The following POLD3 variants were observed in gnomAD, a reference collection of about 807,000 sequenced individuals.
POLD3 encodes DNA polymerase delta 3, accessory subunit, also known as DNA polymerase delta subunit 3.
POLD3 carries 19 observed loss-of-function variants against 58.2 expected under a neutral mutation model. The ratio of observed to expected loss-of-function variants is 0.33; its 90% CI spans 0.23 to 0.48. The LOEUF (loss-of-function observed/expected upper bound fraction) is 0.48, where lower values mean the gene tolerates loss of function less well. POLD3 is among the 20% of genes least tolerant of loss of function. The probability of loss-of-function intolerance (pLI) is 0.99; values close to 1 mark genes in which losing one functional copy is unlikely to be tolerated. For synonymous variants in POLD3, 172 were observed against 193.5 expected, an observed-to-expected ratio of 0.89 and a Z score of 0.92; for missense variants, 504 against 545.5, an observed-to-expected ratio of 0.92 and a Z score of 0.76.
rs140867590 is a variant in POLD3 at position 74,640,592 on chromosome 11, C to G, written c.1227C>G (p.Ser409=). The G allele has an allele frequency of 1.3e-4, 213 of 1,595,278 alleles. No individual in the cohort carries two copies. The highest frequency in any genetic ancestry group is 1.8e-4 in the Non-Finnish European group (209 of 1,172,270). ...IVTEKVYESE[S]CTDSEEELNM... ...CTGAAAAAGTCTACGAGAGTGAATC[C>G]TGCACAGATAGTGAAGAGGAGCTTA... The change falls in exon 12 of 12, where the codon TCC becomes TCG. Residue 409 remains serine (S), a synonymous_variant. Transcript: ENST00000263681.
chr11:74,596,027 C>T lies in POLD3; in HGVS notation c.116+1911C>T, dbSNP rs1011506006. On this transcript the variant is annotated intron_variant, in intron 2 of 11. Transcript: ENST00000263681. The stretch of plus-strand genomic sequence containing the variant: ...TTAAAATGATTAAATTTTTTTTAAT[C>T]TTATTTTTTTTTTTTTTTTAGTAGA... Among the ~76,000 whole-genome samples the T allele has an allele frequency of 2.1e-4, 21 of 99,152 alleles. No homozygotes were observed. In the East Asian group the frequency reaches 3.7e-3, roughly 18 times the overall value. 65.0% of individuals were successfully genotyped at this position (99,152 alleles called of 152,430 possible).
intron 9 of POLD3, among the ~76,000 whole-genome samples, chr11:74,632,877 TACACACACACACACACACACACACACAC>T (rs71036003): frequency 6.7e-4 from 77 of 115,770 alleles, no homozygotes; most frequent in African/African-American, 3.0e-3. Flanking sequence ...TTTAAGTAAA[TACACACACACACACACACACACACACAC>T]ACACACACAC....
At chr11:74,609,583 A>T (rs1044327646) in intron 3 of POLD3, among the ~76,000 whole-genome samples, 3 of 151,130 alleles carry the variant, frequency 2.0e-5, no homozygotes, top group Non-Finnish European at 4.4e-5. Flanking sequence ...GGGCTTTGCC[A>T]TCTCGGCCAG....
intron 2 of POLD3, among the ~76,000 whole-genome samples, chr11:74,598,431 G>T (rs2031355839): frequency 6.6e-6 from 1 of 152,144 alleles, no homozygotes; most frequent in Non-Finnish European, 1.5e-5. Flanking sequence ...TCACTGTTCT[G>T]ATTACTATTG....
At position 74,625,555 on chromosome 11, in the gene POLD3, T is replaced by C. The variant is rs1164925614; in HGVS notation, c.881T>C (p.Leu294Pro). 1 of 1,600,082 alleles carries C rather than the reference T, an allele frequency of 6.2e-7. No individual in the cohort carries two copies. The highest frequency in any genetic ancestry group is 8.5e-7 in the Non-Finnish European group (1 of 1,176,328). The change falls in exon 8 of 12, where the codon CTG becomes CCG. Residue 294 changes from leucine (L) to proline (P), a missense_variant. Leu to Pro is a moderately conservative substitution (Grantham distance 98). Around this residue, in one of 2 missense-constraint regions of POLD3, gnomAD observed 385 missense variants for 370.5 expected, o/e 1.04. Coordinates refer to ENST00000263681, the MANE Select transcript of POLD3 (RefSeq NM_006591.3). ...AAAAAAGCAGAGCCTGTTAAGGTGC[T>C]GCAGAAGGAAAAAAAAAGGTAGGAA... ...SSKKAEPVKV[L>P]QKEKKRGKRV...
intron 1 of POLD3, 71 bp downstream of exon 1, chr11:74,592,789 T>C: frequency 1.3e-6 from 2 of 1,592,922 alleles, no homozygotes; most frequent in Non-Finnish European, 1.7e-6. Flanking sequence ...GGCGGGAGCC[T>C]TGACCCTCTG....
chr11:74,648,985 T>C (rs7932922), intron 4 of POLD3, among the ~76,000 whole-genome samples: 85,287 of 151,974 alleles, frequency 0.56, 24,304 homozygotes, highest in Non-Finnish European at 0.61. Flanking sequence ...AAATGTGGAA[T>C]GATTAGCCTT....
intron 11 of POLD3, 116 bp from the exon 12 acceptor site, chr11:74,640,447 TA>T: frequency 8.1e-7 from 1 of 1,237,696 alleles, no homozygotes; most frequent in Non-Finnish European, 1.1e-6. Flanking sequence ...GAGTCCTAAG[TA>T]AGCATATTTG....
intron 4 of POLD3, among the ~76,000 whole-genome samples, chr11:74,656,001 A>G (rs11236191): frequency 0.017 from 2,653 of 152,346 alleles, 78 homozygotes; most frequent in African/African-American, 0.062. Context: ...ATACGAGGCC[A>G]ATATACAAGA....
chr11:74,612,918 G>A lies in POLD3; in HGVS notation c.300G>A (p.Val100=). 7 of 1,613,528 alleles carry A rather than the reference G, an allele frequency of 4.3e-6. No homozygotes were observed. The highest frequency in any genetic ancestry group is 5.9e-6 in the Non-Finnish European group (7 of 1,179,482). ...TAGCTGTGACTGCCAGCATCCATGT[G>A]TACAGCATCCAGAAAGCCATGCTAA... ...SKLAVTASIH[V]YSIQKAMLKD... The change falls in exon 5 of 12, where the codon GTG becomes GTA. Residue 100 remains valine, a synonymous_variant. Transcript: ENST00000263681.
At chr11:74,632,686 A>G (rs949991430) in intron 9 of POLD3, among the ~76,000 whole-genome samples, 4 of 152,058 alleles carry the variant, frequency 2.6e-5, no homozygotes, top group Non-Finnish European at 1.5e-5. Context: ...CTTAATCATT[A>G]AGGACTCTTG....
At chr11:74,610,273 C>T (rs574573893) in intron 3 of POLD3, among the ~76,000 whole-genome samples, 18 of 151,394 alleles carry the variant, frequency 1.2e-4, no homozygotes, top group African/African-American at 3.4e-4. Flanking sequence ...TGCAGTGGCA[C>T]GATCTCAGCT....
At chr11:74,623,932 CAG>C (rs2032346571) in intron 7 of POLD3, among the ~76,000 whole-genome samples, 1 of 152,148 alleles carries the variant, frequency 6.6e-6, no homozygotes, top group Admixed American at 6.6e-5. Context: ...GAAACCAAGA[CAG>C]AAGAAACTCT....
intron 3 of POLD3, among the ~76,000 whole-genome samples, chr11:74,606,184 G>T (rs1451533206): frequency 6.6e-6 from 1 of 152,148 alleles, no homozygotes; most frequent in African/African-American, 2.4e-5. Context: ...AAGCTATTTG[G>T]CAAGCCAAAT....
At chr11:74,636,321 TA>T in intron 11 of POLD3, 46 bp downstream of exon 11, 1 of 1,589,422 alleles carries the variant, frequency 6.3e-7, no homozygotes, top group East Asian at 2.2e-5. Flanking sequence ...AATCTCTTAT[TA>T]CCACAGAGGC....
In POLD3 at chr11:74,612,986, A is replaced by G. The variant is rs1017225030; in HGVS notation, c.368A>G (p.Lys123Arg). The G allele has an allele frequency of 8.1e-6, 13 of 1,611,412 alleles. No homozygotes were observed. Among genetic ancestry groups the G allele is most frequent in the Non-Finnish European group, 1.1e-5 (13 of 1,179,316 alleles). The change falls in exon 5 of 12, where the codon AAA (lysine) becomes AGA (arginine). Residue 123 changes from lysine (K) to arginine (R), a missense_variant. Around this residue, in one of 2 missense-constraint regions of POLD3, gnomAD observed 119 missense variants for 175.0 expected, o/e 0.68. Transcript: ENST00000263681. ...PLFNTDYDIL[K>R]SNLQNCSKFS... is the part of the protein sequence containing the mutation. ...TTCAATACTGACTATGACATCCTTAAAAGCAACTTGCAGAACTGCAGCAAG... is the reference window on the plus strand; with the variant it reads ...TTCAATACTGACTATGACATCCTTAGAAGCAACTTGCAGAACTGCAGCAAG...
At chr11:74,621,267 G>T (rs2032246315) in intron 7 of POLD3, among the ~76,000 whole-genome samples, 1 of 152,104 alleles carries the variant, frequency 6.6e-6, no homozygotes. Context: ...CAGATCAGTG[G>T]TGGCATTAGA....
At chr11:74,633,451 G>A (rs1341092739) in intron 9 of POLD3, among the ~76,000 whole-genome samples, 1 of 151,988 alleles carries the variant, frequency 6.6e-6, no homozygotes, top group African/African-American at 2.4e-5. Flanking sequence ...ACCTCTTTAG[G>A]CCATTTGGCC....
chr11:74,645,599 A>G (rs558673545), downstream of POLD3, among the ~76,000 whole-genome samples: 1 of 152,366 alleles, frequency 6.6e-6, no homozygotes, highest in Admixed American at 6.5e-5. Flanking sequence ...CTCATCTTTA[A>G]AAATGAGCTA....
Sources: gnomAD v4.1 joint callset for allele counts (sites outside exome capture counted in the v4.1 genomes callset) on GRCh38, gnomAD v4.1.1 for gene constraint, gnomAD v4.1.1 regional missense constraint, MANE v1.5 for transcripts, NCBI Gene and HGNC (gene_info 2026-07-23, HGNC 2026-07-21) for gene names.